NRXN1: variants seen among roughly 807,000 people sequenced by gnomAD.
The protein encoded by NRXN1 is neurexin-1.
A neutral mutation model predicts 150.9 loss-of-function variants in NRXN1; 39 were observed. The ratio of observed to expected loss-of-function variants is 0.26; its 90% CI spans 0.20 to 0.34. The LOEUF (loss-of-function observed/expected upper bound fraction) is 0.34, where lower values mean the gene tolerates loss of function less well. NRXN1 is among the 10% of genes least tolerant of loss of function. The pLI is 1.00. For missense variants in NRXN1, 1,815 were observed against 1,949.9 expected, an observed-to-expected ratio of 0.93 and a Z score of 1.30; for synonymous variants, 924 against 757.0, an observed-to-expected ratio of 1.22 and a Z score of -3.62.
chr2:50,689,671 T>C (rs1318572299), intron 5 of NRXN1, among the ~76,000 whole-genome samples: 1 of 152,174 alleles, frequency 6.6e-6, no homozygotes, highest in African/African-American at 2.4e-5. Context: ...GTTCTTTCCA[T>C]CTCTGTGTTC....
At chr2:50,049,785 T>C (rs1452264705) in intron 21 of NRXN1, among the ~76,000 whole-genome samples, 1 of 152,034 alleles carries the variant, frequency 6.6e-6, no homozygotes, top group Non-Finnish European at 1.5e-5. Context: ...AGGGGGAACA[T>C]TTAGCAGCCA....
intron 17 of NRXN1, among the ~76,000 whole-genome samples, chr2:50,290,674 G>A (rs2072804700): frequency 6.6e-6 from 1 of 152,174 alleles, no homozygotes. Context: ...AGGACTGGAG[G>A]GGGCTGTTCT....
chr2:50,436,197 T>A (rs1467285118), intron 17 of NRXN1, among the ~76,000 whole-genome samples: 2 of 152,198 alleles, frequency 1.3e-5, no homozygotes, highest in Non-Finnish European at 2.9e-5. Context: ...CTCACGCCTG[T>A]AATCCCAGCA....
In NRXN1 at chr2:50,091,523, G is replaced by C. The variant is rs74387895; in HGVS notation, c.3547-29C>G. On this transcript the variant is annotated intron_variant, in intron 18 of 22. Transcript: ENST00000401669. ...TAAGAGAGGAGGGGAAAAAAGAGTT[G>C]AATTAAGTTGACTAGTCACCATTTA... 4.7e-3 allele frequency: 7,624 copies of C among 1,609,328 alleles called. 264 individuals are homozygous for C. The East Asian group carries it at 0.066, about 14-fold the overall frequency.
At chr2:50,438,704 G>C (rs2085664954) in intron 17 of NRXN1, among the ~76,000 whole-genome samples, 1 of 152,128 alleles carries the variant, frequency 6.6e-6, no homozygotes, top group African/African-American at 2.4e-5. Flanking sequence ...AGTTTTACTG[G>C]AGAATAAAAA....
At chr2:49,990,900 A>C (rs889959113) in intron 21 of NRXN1, among the ~76,000 whole-genome samples, 1 of 152,168 alleles carries the variant, frequency 6.6e-6, no homozygotes, top group Admixed American at 6.6e-5. Context: ...GTTGATTTGC[A>C]GTTAACTCAG....
At chr2:50,251,015 A>AAAT (rs1559172344) in intron 17 of NRXN1, among the ~76,000 whole-genome samples, 1 of 150,278 alleles carries the variant, frequency 6.7e-6, no homozygotes, top group Non-Finnish European at 1.5e-5. Flanking sequence ...TATGTGTAAT[A>AAAT]TTACATATTG....
At chr2:50,303,356 C>T (rs889053605) in intron 17 of NRXN1, among the ~76,000 whole-genome samples, 1 of 152,154 alleles carries the variant, frequency 6.6e-6, no homozygotes, top group African/African-American at 2.4e-5. Context: ...TGGCTATGCT[C>T]TCAATATCAA....
At chr2:50,898,875 C>A (rs1682446409) in intron 5 of NRXN1, among the ~76,000 whole-genome samples, 1 of 150,734 alleles carries the variant, frequency 6.6e-6, no homozygotes, top group African/African-American at 2.4e-5. Context: ...ATATTAAATG[C>A]CTAAGAAGTC....
chr2:50,769,830 C>CT, intron 5 of NRXN1, among the ~76,000 whole-genome samples: 1 of 152,158 alleles, frequency 6.6e-6, no homozygotes, highest in East Asian at 1.9e-4. Flanking sequence ...GTGTCAAAAA[C>CT]TGACAGCCTA....
chr2:50,554,082 G>C (rs1667888637), intron 8 of NRXN1, among the ~76,000 whole-genome samples: 1 of 151,988 alleles, frequency 6.6e-6, no homozygotes, highest in South Asian at 2.1e-4. Flanking sequence ...CTTTCAAGAA[G>C]GGACTCTATA....
rs70958633 is a variant in NRXN1, at chr2:50,911,383, G to GTT, written c.832+10484_832+10485dup. Among the ~76,000 whole-genome samples the GTT allele has an allele frequency of 1.3e-4, 19 of 148,856 alleles. No homozygotes were observed. The East Asian group carries it at 1.4e-3, about 11-fold the overall frequency. ...TAATCTTTCAACCACTTCCTTTATA[G>GTT]TTTTTTTTTTAAATCTTACCATACA... On this transcript the variant is annotated intron_variant, in intron 5 of 22. Coordinates refer to ENST00000401669, the MANE Select transcript of NRXN1 (RefSeq NM_001330078.2).
At chr2:50,233,214 C>T (rs963735057) in intron 18 of NRXN1, among the ~76,000 whole-genome samples, 1 of 151,966 alleles carries the variant, frequency 6.6e-6, no homozygotes, top group African/African-American at 2.4e-5. Context: ...TCATGTCTTA[C>T]CTTCTCCTCA....
rs541017432 is a variant in NRXN1 at position 50,932,130 on chromosome 2, G to A, written c.773-6175C>T. On this transcript the variant is annotated intron_variant, in intron 2 of 22. Coordinates refer to ENST00000401669, the MANE Select transcript of NRXN1 (RefSeq NM_001330078.2). ...AGGCTGAGCACGGTGGTTCACACCT[G>A]TAATCCCAGTACTTTGGGAGGCTGA... Among the ~76,000 whole-genome samples the A allele has an allele frequency of 2.6e-5, 4 of 152,186 alleles. No individual in the cohort carries two copies. In the East Asian group the frequency reaches 7.8e-4, roughly 30 times the overall value.
intron 21 of NRXN1, among the ~76,000 whole-genome samples, chr2:50,028,628 A>G (rs1050722071): frequency 3.3e-5 from 5 of 152,262 alleles, no homozygotes; most frequent in Admixed American, 6.5e-5. Context: ...TCTTCTGCAC[A>G]TTGCTCAGGC....
At chr2:50,028,204 A>G (rs145097373) in intron 21 of NRXN1, among the ~76,000 whole-genome samples, 21 of 152,218 alleles carry the variant, frequency 1.4e-4, no homozygotes, top group African/African-American at 4.8e-4. Context: ...GTAAAACATT[A>G]AAATGTTGCT....
At chr2:50,842,679 G>GA (rs1050694049) in intron 5 of NRXN1, among the ~76,000 whole-genome samples, 2 of 152,092 alleles carry the variant, frequency 1.3e-5, no homozygotes, top group Admixed American at 1.3e-4. Context: ...CTACAAACTA[G>GA]AAAAAAGTGT....
intron 5 of NRXN1, among the ~76,000 whole-genome samples, chr2:50,776,746 T>A (rs1350671044): frequency 2.0e-5 from 3 of 151,848 alleles, no homozygotes; most frequent in African/African-American, 7.3e-5. Flanking sequence ...GAGTTAAGTC[T>A]CATTTTTATG....
At chr2:50,352,291 T>G (rs1218709574) in intron 17 of NRXN1, among the ~76,000 whole-genome samples, 3 of 152,156 alleles carry the variant, frequency 2.0e-5, no homozygotes, top group Non-Finnish European at 4.4e-5. Flanking sequence ...ACAGGCCATT[T>G]CAAGTTATTT....
Sources: gnomAD v4.1 joint callset for allele counts (sites outside exome capture counted in the v4.1 genomes callset) on GRCh38, gnomAD v4.1.1 for gene constraint, MANE v1.5 for transcripts, NCBI Gene and HGNC (gene_info 2026-07-23, HGNC 2026-07-21) for gene names.